The following TCF4 variants were observed in gnomAD, a reference collection of about 807,000 sequenced individuals.
TCF4 encodes SL3-3 enhancer factor 2.
TCF4 carries 3 observed loss-of-function variants against 82.1 expected under a neutral mutation model. The observed-to-expected ratio is 0.04, with a 90% confidence interval of 0.02 to 0.09. The LOEUF (loss-of-function observed/expected upper bound fraction) is 0.09. TCF4 is among the 10% of genes least tolerant of loss of function. The pLI, the probability that TCF4 is intolerant of heterozygous loss-of-function variation, is 1.00. For missense variants in TCF4, 518 were observed against 852.7 expected, an observed-to-expected ratio of 0.61 and a Z score of 4.89; for synonymous variants, 276 against 309.6, an observed-to-expected ratio of 0.89 and a Z score of 1.14.
chr18:55,467,336 C>T (rs927609700), intron 3 of TCF4, among the ~76,000 whole-genome samples: 17 of 152,188 alleles, frequency 1.1e-4, no homozygotes. Flanking sequence ...TATTCCAGTG[C>T]ACCACCAAGT....
intron 8 of TCF4, among the ~76,000 whole-genome samples, chr18:55,308,967 C>A (rs1179779172): frequency 1.3e-5 from 2 of 152,216 alleles, no homozygotes; most frequent in African/African-American, 4.8e-5. Flanking sequence ...TACAAATATT[C>A]TGTATCTGTG....
chr18:55,442,252 TC>T (rs2095451197), intron 5 of TCF4, among the ~76,000 whole-genome samples: 1 of 152,224 alleles, frequency 6.6e-6, no homozygotes, highest in Admixed American at 6.5e-5. Context: ...AGAATGTGCT[TC>T]CAATTTAACC....
In TCF4 at chr18:55,222,881, T is replaced by G. The variant is rs1202416666; in HGVS notation, c.*5154A>C. ...AGTTAGAAAAAAACATCTGGTTGTT[T>G]ACATCTGGATTAATAGTCAACAGAG... On this transcript the variant is annotated 3_prime_UTR_variant, in exon 20 of 20. Coordinates refer to ENST00000354452, the MANE Select transcript of TCF4 (RefSeq NM_001083962.2). The G allele has an allele frequency of 3.3e-5, 5 of 152,694 alleles. No homozygotes were observed. The highest frequency in any genetic ancestry group is 5.9e-5 in the Non-Finnish European group (4 of 68,046). 9.5% of individuals were successfully genotyped at this position (152,694 alleles called of 1,614,324 possible).
chr18:55,275,883 C>T, intron 9 of TCF4, 131 bp from the exon 10 acceptor site: 1 of 1,133,314 alleles, frequency 8.8e-7, no homozygotes, highest in Non-Finnish European at 1.3e-6. Context: ...CTGATTACAT[C>T]AGAAGACAGT....
intron 8 of TCF4, chr18:55,302,604 T>C: frequency 6.5e-7 from 1 of 1,528,104 alleles, no homozygotes; most frequent in East Asian, 2.5e-5. Flanking sequence ...GAGAGGGAAC[T>C]TCATGCTGGA....
intron 8 of TCF4, among the ~76,000 whole-genome samples, chr18:55,321,051 TG>T (rs2075363132): frequency 6.6e-6 from 1 of 152,232 alleles, no homozygotes; most frequent in Non-Finnish European, 1.5e-5. Context: ...TATGCATGAA[TG>T]AACCCGTTTG....
intron 15 of TCF4, among the ~76,000 whole-genome samples, chr18:55,240,779 T>C (rs925244077): frequency 2.0e-5 from 3 of 152,254 alleles, no homozygotes. Context: ...AGATGATTTT[T>C]CTTTAGTACA....
intron 3 of TCF4, among the ~76,000 whole-genome samples, chr18:55,509,933 G>A (rs1440051866): frequency 6.6e-6 from 1 of 152,124 alleles, no homozygotes; most frequent in Non-Finnish European, 1.5e-5. Context: ...AACTTTCTTT[G>A]GAATTCTTCA....
chr18:55,547,306 C>T (rs914759966), intron 3 of TCF4, among the ~76,000 whole-genome samples: 1 of 152,190 alleles, frequency 6.6e-6, no homozygotes, highest in African/African-American at 2.4e-5. Flanking sequence ...TGACTGGATG[C>T]ATTTTGAAAT....
chr18:55,239,741 GC>G (rs1391870807), intron 15 of TCF4, among the ~76,000 whole-genome samples: 1 of 152,188 alleles, frequency 6.6e-6, no homozygotes, highest in Non-Finnish European at 1.5e-5. Flanking sequence ...AAATTAGGTG[GC>G]TGTTGGCAAG....
intron 5 of TCF4, among the ~76,000 whole-genome samples, chr18:55,458,704 G>A (rs921527784): frequency 6.6e-6 from 1 of 152,114 alleles, no homozygotes; most frequent in South Asian, 2.1e-4. Context: ...AGAAGGCATC[G>A]GGTGTGTGAG....
intron 13 of TCF4, 101 bp from the exon 14 acceptor site, chr18:55,257,492 A>G: frequency 8.8e-7 from 1 of 1,139,734 alleles, no homozygotes; most frequent in Non-Finnish European, 1.3e-6. Flanking sequence ...GGCAATGATG[A>G]TTTTCATTTA....
At chr18:55,408,312 T>G (rs1289612365) in intron 5 of TCF4, among the ~76,000 whole-genome samples, 5 of 152,202 alleles carry the variant, frequency 3.3e-5, no homozygotes, top group Non-Finnish European at 7.3e-5. Flanking sequence ...ATCCTCATTC[T>G]GGGAACTGAA....
chr18:55,272,644 G>C (rs1342343606), intron 10 of TCF4, among the ~76,000 whole-genome samples: 1 of 151,972 alleles, frequency 6.6e-6, no homozygotes, highest in Non-Finnish European at 1.5e-5. Flanking sequence ...TCATGCTTTG[G>C]GTTTGGGCAG....
At position 55,585,054 on chromosome 18, in the gene TCF4, G is replaced by A. The variant is rs12455881; in HGVS notation, c.145+226C>T. Among the ~76,000 whole-genome samples the A allele has an allele frequency of 0.14, 21,023 of 151,964 alleles. 1,851 individuals are homozygous for A. Among genetic ancestry groups the A allele is most frequent in the Admixed American group, 0.27 (4,161 of 15,276 alleles). ...AAAATTGCTCTTAAATTAAGTGATG[G>A]AATTTTGAGAGAGTTTCCTTGACTT... On this transcript the variant is annotated intron_variant, in intron 3 of 19. Transcript: ENST00000354452.
At chr18:55,348,671 T>C (rs1364983329) in intron 8 of TCF4, among the ~76,000 whole-genome samples, 3 of 152,140 alleles carry the variant, frequency 2.0e-5, no homozygotes, top group Non-Finnish European at 4.4e-5. Context: ...AAATTGTTGT[T>C]GACAGTGATT....
At chr18:55,293,930 A>AATTTTTTTT (rs1568769774) in intron 8 of TCF4, among the ~76,000 whole-genome samples, 2 of 22,670 alleles carry the variant, frequency 8.8e-5, no homozygotes, top group African/African-American at 2.1e-4. Flanking sequence ...CTTTCCAAGG[A>AATTTTTTTT]CTTTTTTTTT....
At chr18:55,635,213 T>C (rs1223220150) in intron 1 of TCF4, among the ~76,000 whole-genome samples, 1 of 151,994 alleles carries the variant, frequency 6.6e-6, no homozygotes, top group Non-Finnish European at 1.5e-5. Flanking sequence ...TCAGCAAGAA[T>C]CTCAAGAAGG....
At position 55,350,488 on chromosome 18, in the gene TCF4, G is replaced by C. The variant is rs764087891; in HGVS notation, c.500-80C>G. 1.0e-5 allele frequency: 14 copies of C among 1,404,126 alleles called. 1 individual carries two copies. Among genetic ancestry groups the C allele is most frequent in the Middle Eastern group, 3.5e-4 (2 of 5,668 alleles). 87.0% of individuals were successfully genotyped at this position (1,404,126 alleles called of 1,614,324 possible). On this transcript the variant is annotated intron_variant, in intron 7 of 19. Coordinates refer to ENST00000354452, the MANE Select transcript of TCF4 (RefSeq NM_001083962.2). ...ATAGGTTAAACCACAAAGACTTCTA[G>C]ATGATACCACATTTCCTTAAATCAT...
Sources: gnomAD v4.1 joint callset for allele counts (sites outside exome capture counted in the v4.1 genomes callset) on GRCh38, gnomAD v4.1.1 for gene constraint, MANE v1.5 for transcripts, NCBI Gene and HGNC (gene_info 2026-07-23, HGNC 2026-07-21) for gene names.